Variants in TMEM121B observed in about 807,000 individuals in gnomAD.
The protein encoded by TMEM121B is cat eye syndrome chromosome region, candidate 6.
TMEM121B carries 14 observed loss-of-function variants against 25.1 expected under a neutral mutation model. The observed-to-expected ratio is 0.56, with a 90% CI of 0.37 to 0.87. TMEM121B has a LOEUF of 0.87. Among genes scored for constraint, TMEM121B ranks in the 40% least tolerant of loss-of-function variants. The pLI is 0.00. For synonymous variants in TMEM121B, 458 were observed against 420.9 expected (o/e 1.09, Z -1.08); for missense variants, 850 against 854.6 (o/e 0.99, Z 0.07).
In TMEM121B at chr22:17,119,866, G is replaced by A. The variant is rs1452465507; in HGVS notation, c.1262C>T (p.Pro421Leu). 4.4e-6 allele frequency: 7 copies of A among 1,576,144 alleles called. No homozygotes were observed. The highest frequency in any genetic ancestry group is 5.1e-6 in the Non-Finnish European group (6 of 1,168,698). ...ELMLEGRVPLPAHLRYLLIAV... is the reference protein window; with the variant it reads ...ELMLEGRVPLLAHLRYLLIAV... The stretch of plus-strand genomic sequence containing the variant: ...GATAAGCAGGTAGCGCAGGTGCGCG[G>A]GCAGCGGCACGCGGCCCTCCAGCAT... Residue 421 changes from proline (P) to leucine (L), a missense_variant, in exon 1 of 1, where the codon CCC becomes CTC. Pro to Leu is a moderately conservative substitution (Grantham distance 98). Coordinates refer to ENST00000331437, the MANE Select transcript of TMEM121B (RefSeq NM_031890.4).
Position 17,121,061 on chromosome 22 carries a change from C to T in TMEM121B, c.67G>A (p.Ala23Thr). The change falls in exon 1 of 1, where the codon GCA becomes ACA. Residue 23 changes from alanine (A) to threonine (T), a missense_variant. Physicochemically the swap from Ala to Thr is moderately conservative, Grantham distance 58. Transcript: ENST00000331437. Reference sequence around the variant, plus strand: ...AAGAGGGGCTGCAGCCGGGCGGCTGCCGGGGGCGGCGGGAAGGAACCGGAC... The same window carrying T: ...AAGAGGGGCTGCAGCCGGGCGGCTGTCGGGGGCGGCGGGAAGGAACCGGAC... ...SASGSFPPPP[A>T]AARLQPLFLR... 3 of 1,453,202 alleles carry T rather than the reference C, an allele frequency of 2.1e-6. No individual in the cohort carries two copies. Among genetic ancestry groups the T allele is most frequent in the South Asian group, 1.3e-5 (1 of 75,704 alleles). The allele number at this position is 1,453,202 out of a possible 1,614,324, so 90.0% of individuals were successfully genotyped here. A position where few individuals can be genotyped will look rare whatever the true frequency, so the allele number is the denominator to read the frequency against.
Position 17,120,925 on chromosome 22 carries a change from G to C in TMEM121B, c.203C>G (p.Pro68Arg), listed in dbSNP as rs1343604607. The C allele has an allele frequency of 7.1e-7, 1 of 1,406,336 alleles. No homozygotes were observed. Among genetic ancestry groups the C allele is most frequent in the Non-Finnish European group, 9.2e-7 (1 of 1,081,912 alleles). The allele number at this position is 1,406,336 out of a possible 1,614,324, so 87.1% of individuals were successfully genotyped here. A position where few individuals can be genotyped will look rare whatever the true frequency, so the allele number is the denominator to read the frequency against. The change falls in exon 1 of 1, where the codon CCG becomes CGG. Residue 68 changes from proline (P) to arginine (R), a missense_variant. Transcript: ENST00000331437. The stretch of plus-strand genomic sequence containing the variant: ...GCGCTCGGCGCCCGTGCTGCTGCTC[G>C]GGGAGCCGCCGCCCCCGCCGCGTCT... Reference protein sequence around the residue: ...GGRRGGGGGSPSSSTGAERED... With the variant: ...GGRRGGGGGSRSSSTGAERED...
rs889621535 is a variant in TMEM121B, at chr22:17,119,595, G to T, written c.1533C>A (p.Gly511=). The part of the protein sequence containing the change: ...LKNLFFLGCR[G]LEALEGCWDR... ...CCCAGCAGCCCTCCAGGGCCTCCAG[G>T]CCCCGGCAGCCGAGGAAGAAGAGGT... Residue 511 remains glycine (G), a synonymous_variant, in exon 1 of 1, where the codon GGC becomes GGA. Transcript: ENST00000331437. 22 of 1,545,394 alleles carry T rather than the reference G, an allele frequency of 1.4e-5. No individual in the cohort carries two copies. Among genetic ancestry groups the T allele is most frequent in the African/African-American group, 2.7e-5 (2 of 73,226 alleles).
Position 17,120,905 on chromosome 22 carries a change from C to G in TMEM121B, c.223G>C (p.Glu75Gln). ...AGGCTCTCGTCGTCGTCCTCGCGCTCGGCGCCCGTGCTGCTGCTCGGGGAG... is the reference window on the plus strand; with the variant it reads ...AGGCTCTCGTCGTCGTCCTCGCGCTGGGCGCCCGTGCTGCTGCTCGGGGAG... ...GGSPSSSTGA[E>Q]REDDDESLSV... Residue 75 changes from glutamate to glutamine, a missense_variant, in exon 1 of 1, where the codon GAG becomes CAG. Coordinates refer to ENST00000331437, the MANE Select transcript of TMEM121B (RefSeq NM_031890.4). The G allele has an allele frequency of 7.2e-7, 1 of 1,397,372 alleles. No individual in the cohort carries two copies. The highest frequency in any genetic ancestry group is 1.5e-5 in the South Asian group (1 of 66,144). The allele number at this position is 1,397,372 out of a possible 1,614,324, so 86.6% of individuals were successfully genotyped here. A position where few individuals can be genotyped will look rare whatever the true frequency, so the allele number is the denominator to read the frequency against.
Position 17,121,289 on chromosome 22 carries a change from T to A in TMEM121B, c.-162A>T. The A allele has an allele frequency of 9.4e-6, 5 of 532,260 alleles. No homozygotes were observed. The South Asian group carries it at 3.1e-4, about 33-fold the overall frequency. 33.0% of individuals were successfully genotyped at this position (532,260 alleles called of 1,614,324 possible). On this transcript the variant is annotated 5_prime_UTR_variant, in exon 1 of 1. Transcript: ENST00000331437. ...GCGGCGAGATCCGGACTGGAGCCACTGGACTGGGCGAGCCGGGCCGGGCGG... is the reference window on the plus strand; with the variant it reads ...GCGGCGAGATCCGGACTGGAGCCACAGGACTGGGCGAGCCGGGCCGGGCGG...
rs1211432300 is a variant in TMEM121B at position 17,120,373 on chromosome 22, C to G, written c.755G>C (p.Arg252Pro). 6.5e-7 allele frequency: 1 copy of G among 1,545,116 alleles called. No individual in the cohort carries two copies. Among genetic ancestry groups the G allele is most frequent in the Admixed American group, 1.9e-5 (1 of 53,744 alleles). ...AIFFAKNSRG[R>P]RGGAASGAHN... is the part of the protein sequence containing the mutation. ...CGCGCCGCTGGCTGCGCCGCCCCGA[C>G]GGCCCCGGCTGTTCTTGGCGAAGAA... The change falls in exon 1 of 1, where the codon CGT becomes CCT. Residue 252 changes from arginine (R) to proline (P), a missense_variant. Coordinates refer to ENST00000331437, the MANE Select transcript of TMEM121B (RefSeq NM_031890.4).
At position 17,120,456 on chromosome 22, in the gene TMEM121B, G is replaced by A. The variant is rs2061493003; in HGVS notation, c.672C>T (p.Asp224=). ...TGGCGATCCAGGAGCACCAGTACAGGTCGGTGACGGCGATGAGGTACAGGT... is the reference window on the plus strand; with the variant it reads ...TGGCGATCCAGGAGCACCAGTACAGATCGGTGACGGCGATGAGGTACAGGT... ...LLDLYLIAVT[D]LYWCSWIATD... Residue 224 remains aspartate (D), a synonymous_variant, in exon 1 of 1, where the codon GAC becomes GAT. Coordinates refer to ENST00000331437, the MANE Select transcript of TMEM121B (RefSeq NM_031890.4). 8 of 1,586,054 alleles carry A rather than the reference G, an allele frequency of 5.0e-6. No homozygotes were observed. The highest frequency in any genetic ancestry group is 6.0e-6 in the Non-Finnish European group (7 of 1,170,066).
chr22:17,121,315 C>T lies in TMEM121B; in HGVS notation c.-188G>A, dbSNP rs1232093698. The T allele has an allele frequency of 7.1e-5, 26 of 363,972 alleles. No individual in the cohort carries two copies. The East Asian group carries it at 1.6e-3, about 22-fold the overall frequency. The allele number at this position is 363,972 out of a possible 1,614,324, so 22.5% of individuals were successfully genotyped here. On this transcript the variant is annotated 5_prime_UTR_variant, in exon 1 of 1. Transcript: ENST00000331437. ...GGACTGGGCGAGCCGGGCCGGGCGGCAGGGAGAGGGGGCAGGCGGTGAACC... is the reference window on the plus strand; with the variant it reads ...GGACTGGGCGAGCCGGGCCGGGCGGTAGGGAGAGGGGGCAGGCGGTGAACC...
At position 17,119,904 on chromosome 22, in the gene TMEM121B, C is replaced by T; in HGVS notation, c.1224G>A (p.Thr408=). 2 of 1,567,694 alleles carry T rather than the reference C, an allele frequency of 1.3e-6. No homozygotes were observed. The highest frequency in any genetic ancestry group is 2.3e-5 in the East Asian group (1 of 43,030). Residue 408 remains threonine, a synonymous_variant, in exon 1 of 1, where the codon ACG becomes ACA. Coordinates refer to ENST00000331437, the MANE Select transcript of TMEM121B (RefSeq NM_031890.4). ...GGCCCTCCAGCATCAGCTCCACCAG[C>T]GTGAAGCTGTCGAGCAGGTCCAAGC... ...GTCLDLLDSF[T]LVELMLEGRV...
chr22:17,120,901 C>T lies in TMEM121B; in HGVS notation c.227G>A (p.Arg76His). ...GSPSSSTGAEREDDDESLSVS... is the reference protein window; with the variant it reads ...GSPSSSTGAEHEDDDESLSVS... ...GCTGAGGCTCTCGTCGTCGTCCTCG[C>T]GCTCGGCGCCCGTGCTGCTGCTCGG... Residue 76 changes from arginine (R) to histidine (H), a missense_variant, in exon 1 of 1, where the codon CGC becomes CAC. Coordinates refer to ENST00000331437, the MANE Select transcript of TMEM121B (RefSeq NM_031890.4). 1 of 1,395,960 alleles carries T rather than the reference C, an allele frequency of 7.2e-7. No individual in the cohort carries two copies. Among genetic ancestry groups the T allele is most frequent in the Non-Finnish European group, 9.3e-7 (1 of 1,076,138 alleles). 86.5% of individuals were successfully genotyped at this position (1,395,960 alleles called of 1,614,324 possible). A position where few individuals can be genotyped will look rare whatever the true frequency, so the allele number is the denominator to read the frequency against.
chr22:17,118,133 T>G lies in TMEM121B; in HGVS notation c.*1258A>C, dbSNP rs2061478292. ...AGTGACATTCCACACCGACTGTAAG[T>G]GCACAGTCCCCGGATGTCTCTTGTC... On this transcript the variant is annotated 3_prime_UTR_variant, in exon 1 of 1. Transcript: ENST00000331437. 1 of 152,224 alleles carries G rather than the reference T, an allele frequency of 6.6e-6. No homozygotes were observed. Among genetic ancestry groups the G allele is most frequent in the Admixed American group, 6.5e-5 (1 of 15,288 alleles). The allele number at this position is 152,224 out of a possible 1,614,324, so 9.4% of individuals were successfully genotyped here. A position where few individuals can be genotyped will look rare whatever the true frequency, so the allele number is the denominator to read the frequency against.
chr22:17,120,814 G>C lies in TMEM121B; in HGVS notation c.314C>G (p.Pro105Arg), dbSNP rs2061495848. The change falls in exon 1 of 1, where the codon CCC becomes CGC. Residue 105 changes from proline (P) to arginine (R), a missense_variant. By Grantham distance (103) the Pro-to-Arg change is moderately radical. Transcript: ENST00000331437. ...LLGPPAQVGA[P>R]AGPAPVAFSS... ...GAAGGCGACAGGCGCGGGGCCGGCG[G>C]GGGCGCCCACCTGAGCCGGCGGCCC... 8.0e-7 allele frequency: 1 copy of C among 1,246,124 alleles called. No homozygotes were observed. The highest frequency in any genetic ancestry group is 4.3e-5 in the Admixed American group (1 of 23,270). The allele number at this position is 1,246,124 out of a possible 1,614,324, so 77.2% of individuals were successfully genotyped here.
rs138179417 is a variant in TMEM121B, at chr22:17,119,485, G to T, written c.1643C>A (p.Pro548His). Reference sequence around the variant, plus strand: ...GTGGCCCAGCTGGGAGCCTCCCTGAGGTGGTGGCGGAGGTGGTGGAGGGGC... The same window carrying T: ...GTGGCCCAGCTGGGAGCCTCCCTGATGTGGTGGCGGAGGTGGTGGAGGGGC... ...PSAPPPPPPP[P>H]QGGSQLGHCI... Residue 548 changes from proline to histidine, a missense_variant, in exon 1 of 1, where the codon CCT becomes CAT. Transcript: ENST00000331437. 92 of 1,601,738 alleles carry T rather than the reference G, an allele frequency of 5.7e-5. No homozygotes were observed. Among genetic ancestry groups the T allele is most frequent in the Non-Finnish European group, 7.6e-5 (89 of 1,174,396 alleles).
At position 17,120,571 on chromosome 22, in the gene TMEM121B, C is replaced by G; in HGVS notation, c.557G>C (p.Arg186Pro). 6.8e-7 allele frequency: 1 copy of G among 1,474,986 alleles called. No individual in the cohort carries two copies. The highest frequency in any genetic ancestry group is 9.0e-7 in the Non-Finnish European group (1 of 1,115,968). 91.4% of individuals were successfully genotyped at this position (1,474,986 alleles called of 1,614,324 possible). A position where few individuals can be genotyped will look rare whatever the true frequency, so the allele number is the denominator to read the frequency against. ...GCPDRPGRRG[R>P]RRGCAPSPRC... ...GGGACTGGGGGCGCAGCCGCGGCGC[C>G]GACCTCTGCGGCCGGGGCGGTCTGG... Residue 186 changes from arginine to proline, a missense_variant, in exon 1 of 1, where the codon CGG becomes CCG. Physicochemically the swap from Arg to Pro is moderately radical, Grantham distance 103. Coordinates refer to ENST00000331437, the MANE Select transcript of TMEM121B (RefSeq NM_031890.4).
At position 17,120,826 on chromosome 22, in the gene TMEM121B, T is replaced by A. The variant is rs2061495935; in HGVS notation, c.302A>T (p.Gln101Leu). 2.4e-6 allele frequency: 3 copies of A among 1,255,644 alleles called. No individual in the cohort carries two copies. Among genetic ancestry groups the A allele is most frequent in the South Asian group, 2.9e-5 (1 of 34,760 alleles). The allele number at this position is 1,255,644 out of a possible 1,614,324, so 77.8% of individuals were successfully genotyped here. Residue 101 changes from glutamine to leucine, a missense_variant, in exon 1 of 1, where the codon CAG (glutamine) becomes CTG (leucine). Transcript: ENST00000331437. Reference protein sequence around the residue: ...PNAALLGPPAQVGAPAGPAPV... With the variant: ...PNAALLGPPALVGAPAGPAPV... ...CGCGGGGCCGGCGGGGGCGCCCACC[T>A]GAGCCGGCGGCCCCAGGAGCGCGGC...
In TMEM121B at chr22:17,119,818, G is replaced by A. The variant is rs1311021088; in HGVS notation, c.1310C>T (p.Ala437Val). ...CTCGTAGAGCCAGAGCACCGGCGAG[G>A]CGAGGGTGAGGAAGTAGACGGCGAT... ...LLIAVYFLTL[A>V]SPVLWLYELN... The change falls in exon 1 of 1, where the codon GCC (alanine) becomes GTC (valine). Residue 437 changes from alanine (A) to valine (V), a missense_variant. Physicochemically the swap from Ala to Val is moderately conservative, Grantham distance 64. Transcript: ENST00000331437. The A allele has an allele frequency of 6.3e-7, 1 of 1,588,340 alleles. No homozygotes were observed. The highest frequency in any genetic ancestry group is 8.5e-7 in the Non-Finnish European group (1 of 1,175,282).
Position 17,121,211 on chromosome 22 carries a change from G to A in TMEM121B, c.-84C>T, listed in dbSNP as rs2123828938. The A allele has an allele frequency of 5.7e-6, 7 of 1,220,700 alleles. No homozygotes were observed. Among genetic ancestry groups the A allele is most frequent in the South Asian group, 3.0e-5 (1 of 32,880 alleles). 75.6% of individuals were successfully genotyped at this position (1,220,700 alleles called of 1,614,324 possible). On this transcript the variant is annotated 5_prime_UTR_variant, in exon 1 of 1. Transcript: ENST00000331437. Reference sequence around the variant, plus strand: ...GCGAGGCGGGCTAGGCGGCCGAGGGGAGCCGGGGCCCGCCGCCTCCCCAGC... The same window carrying A: ...GCGAGGCGGGCTAGGCGGCCGAGGGAAGCCGGGGCCCGCCGCCTCCCCAGC...
In TMEM121B at chr22:17,116,972, TAACA is replaced by T. The variant is rs1176859740; in HGVS notation, c.*2415_*2418del. On this transcript the variant is annotated 3_prime_UTR_variant, in exon 1 of 1. Transcript: ENST00000331437. ...TTATCACAGCCTCCCACCAAAAACC[TAACA>T]AACAGTACAGAGATTTTACAGTCAG... The T allele has an allele frequency of 4.6e-5, 7 of 152,278 alleles. No individual in the cohort carries two copies. Among genetic ancestry groups the T allele is most frequent in the Non-Finnish European group, 1.0e-4 (7 of 68,040 alleles). The allele number at this position is 152,278 out of a possible 1,614,324, so 9.4% of individuals were successfully genotyped here.
At position 17,116,830 on chromosome 22, in the gene TMEM121B, A is replaced by AC. The variant is rs2061472071; in HGVS notation, c.*2560dup. The stretch of plus-strand genomic sequence containing the variant: ...TGACCCTCTGAGCACACAGTGGTTG[A>AC]CCCACATGTGTAAAAGAGGGTGACT... On this transcript the variant is annotated 3_prime_UTR_variant, in exon 1 of 1. Transcript: ENST00000331437. The AC allele has an allele frequency of 2.0e-5, 3 of 152,354 alleles. No individual in the cohort carries two copies. The highest frequency in any genetic ancestry group is 6.5e-5 in the Admixed American group (1 of 15,282). The allele number at this position is 152,354 out of a possible 1,614,324, so 9.4% of individuals were successfully genotyped here.
Sources: allele counts gnomAD v4.1 joint callset, GRCh38; gene constraint gnomAD v4.1.1; transcripts MANE v1.5; gene names NCBI Gene and HGNC (gene_info 2026-07-23, HGNC 2026-07-21).